NFATC2: variants seen among roughly 807,000 people sequenced by gnomAD.
NFATC2 encodes nuclear factor of activated T cells 2.
A neutral mutation model predicts 87.3 loss-of-function variants in NFATC2; 22 were observed. That is an observed-to-expected ratio of 0.25 (90% confidence interval 0.18 to 0.36). The LOEUF (loss-of-function observed/expected upper bound fraction) is 0.36. Among genes scored for constraint, NFATC2 ranks in the 10% least tolerant of loss-of-function variants. The probability of loss-of-function intolerance (pLI) is 1.00; values close to 1 mark genes in which losing one functional copy is unlikely to be tolerated. For missense variants in NFATC2, 1,149 were observed against 1,259.1 expected, an observed-to-expected ratio of 0.91 and a Z score of 1.32; for synonymous variants, 565 against 542.2, an observed-to-expected ratio of 1.04 and a Z score of -0.58.
At chr20:51,468,364 G>A (rs1409669502) in intron 5 of NFATC2, among the ~76,000 whole-genome samples, 1 of 152,170 alleles carries the variant, frequency 6.6e-6, no homozygotes, top group African/African-American at 2.4e-5. Flanking sequence ...AGGGAAAAGA[G>A]CATGTGAAAA....
intron 6 of NFATC2, among the ~76,000 whole-genome samples, chr20:51,449,177 C>G (rs977421060): frequency 6.6e-6 from 1 of 152,164 alleles, no homozygotes; most frequent in African/African-American, 2.4e-5. Context: ...TCAACTGTTC[C>G]GCCCCGCCCC....
At chr20:51,431,439 G>A (rs962867990) in intron 9 of NFATC2, among the ~76,000 whole-genome samples, 1 of 152,126 alleles carries the variant, frequency 6.6e-6, no homozygotes, top group Non-Finnish European at 1.5e-5. Context: ...AGCCTCCTCT[G>A]CATCTTTTCC....
intron 4 of NFATC2, 28 bp downstream of exon 4, chr20:51,475,430 C>T: frequency 6.2e-7 from 1 of 1,611,842 alleles, no homozygotes; most frequent in Non-Finnish European, 8.5e-7. Context: ...TCCATGAAGA[C>T]CCGCCGCCCT....
chr20:51,561,484 A>AAAGAAAGAAAGAAAGCAAGAAAGC, intron 1 of NFATC2, among the ~76,000 whole-genome samples: 1 of 90,056 alleles, frequency 1.1e-5, no homozygotes, highest in South Asian at 4.2e-4. Context: ...AGAAAGAAAG[A>AAAGAAAGAAAGAAAGCAAGAAAGC]AAGCAAGCAA....
intron 9 of NFATC2, among the ~76,000 whole-genome samples, chr20:51,418,330 C>T (rs1980331273): frequency 6.6e-6 from 1 of 152,208 alleles, no homozygotes; most frequent in Admixed American, 6.5e-5. Flanking sequence ...ACTCTGCCCC[C>T]CAGGGGATAC....
chr20:51,536,039 T>C (rs1009332337), intron 1 of NFATC2, among the ~76,000 whole-genome samples: 1 of 152,160 alleles, frequency 6.6e-6, no homozygotes, highest in African/African-American at 2.4e-5. Context: ...TAGATCCAAA[T>C]GCCCAGGAGG....
At chr20:51,469,985 CT>C (rs1988051681) in intron 5 of NFATC2, among the ~76,000 whole-genome samples, 1 of 152,224 alleles carries the variant, frequency 6.6e-6, no homozygotes, top group Non-Finnish European at 1.5e-5. Flanking sequence ...AGCTCTACCC[CT>C]GCAGGGAAAG....
At chr20:51,460,115 T>C (rs530554927) in intron 5 of NFATC2, among the ~76,000 whole-genome samples, 5 of 152,334 alleles carry the variant, frequency 3.3e-5, no homozygotes, top group Non-Finnish European at 5.9e-5. Flanking sequence ...TTGCTATCGT[T>C]GACTTTCAAA....
chr20:51,409,347 C>A (rs1386461340), intron 9 of NFATC2, among the ~76,000 whole-genome samples: 2 of 152,092 alleles, frequency 1.3e-5, no homozygotes, highest in Non-Finnish European at 2.9e-5. Context: ...CAAATGCCCA[C>A]CATCAGCAGA....
At chr20:51,407,638 C>T (rs189722219) in intron 9 of NFATC2, among the ~76,000 whole-genome samples, 133 of 152,278 alleles carry the variant, frequency 8.7e-4, no homozygotes, top group Admixed American at 2.5e-3. Context: ...TCCTGCCTGG[C>T]ACCCCATCTC....
In NFATC2 at chr20:51,542,579, G is replaced by T. The variant is rs2076838493; in HGVS notation, c.-80C>A. 13 of 1,256,386 alleles carry T rather than the reference G, an allele frequency of 1.0e-5. No individual in the cohort carries two copies. In the South Asian group the frequency reaches 4.4e-4, roughly 43 times the overall value. The allele number at this position is 1,256,386 out of a possible 1,614,324, so 77.8% of individuals were successfully genotyped here. A position where few individuals can be genotyped will look rare whatever the true frequency, so the allele number is the denominator to read the frequency against. On this transcript the variant is annotated 5_prime_UTR_variant, in exon 1 of 11. Transcript: ENST00000371564. Reference sequence around the variant, plus strand: ...TCTGGGACCCCTCGCAGTGGGGCTGGCGGAGGCGGCTCGAGCGGCGGGGTC... The same window carrying T: ...TCTGGGACCCCTCGCAGTGGGGCTGTCGGAGGCGGCTCGAGCGGCGGGGTC...
chr20:51,555,898 C>A (rs2076974265), intron 1 of NFATC2, among the ~76,000 whole-genome samples: 1 of 152,192 alleles, frequency 6.6e-6, no homozygotes, highest in Non-Finnish European at 1.5e-5. Context: ...TCCCTCCTGA[C>A]CCTACCAAAA....
intron 6 of NFATC2, among the ~76,000 whole-genome samples, chr20:51,443,601 C>G (rs188941431): frequency 6.6e-6 from 1 of 152,166 alleles, no homozygotes; most frequent in African/African-American, 2.4e-5. Context: ...AGACAGCATT[C>G]CCAGTGCCAT....
At chr20:51,551,920 G>A (rs865860435) in intron 1 of NFATC2, among the ~76,000 whole-genome samples, 46 of 152,000 alleles carry the variant, frequency 3.0e-4, no homozygotes, top group African/African-American at 9.7e-4. Context: ...CCAGCTACTC[G>A]GGAGGCTGAG....
At chr20:51,489,694 G>A (rs182198623) in intron 3 of NFATC2, among the ~76,000 whole-genome samples, 30 of 152,302 alleles carry the variant, frequency 2.0e-4, no homozygotes, top group Non-Finnish European at 1.5e-5. Flanking sequence ...CAAAAACAAT[G>A]ATTTCTCTGA....
At chr20:51,493,098 A>C (rs2075924754) in intron 3 of NFATC2, among the ~76,000 whole-genome samples, 1 of 152,336 alleles carries the variant, frequency 6.6e-6, no homozygotes, top group South Asian at 2.1e-4. Flanking sequence ...AAGATTCCAG[A>C]GCAGTGGGGT....
intron 6 of NFATC2, among the ~76,000 whole-genome samples, chr20:51,446,688 C>A (rs1251306437): frequency 3.9e-5 from 6 of 152,208 alleles, no homozygotes; most frequent in Admixed American, 2.6e-4. Flanking sequence ...CAAGTTTAGG[C>A]AAATATTTAG....
chr20:51,391,525 T>A, intron 10 of NFATC2, 74 bp from the exon 11 acceptor site: 6 of 1,487,360 alleles, frequency 4.0e-6, no homozygotes, highest in Non-Finnish European at 3.7e-6. Context: ...TGCATCAGGT[T>A]CACTTTCTAG....
intron 3 of NFATC2, among the ~76,000 whole-genome samples, chr20:51,501,978 T>G (rs2076096592): frequency 6.6e-6 from 1 of 152,162 alleles, no homozygotes; most frequent in African/African-American, 2.4e-5. Flanking sequence ...AAAACCTTAT[T>G]TCAAAAAGCA....
Sources: allele counts gnomAD v4.1 joint callset (sites outside exome capture counted in the v4.1 genomes callset), GRCh38; gene constraint gnomAD v4.1.1; transcripts MANE v1.5; gene names NCBI Gene and HGNC (gene_info 2026-07-23, HGNC 2026-07-21).